The following TM9SF3 variants were observed in gnomAD, a reference collection of about 807,000 sequenced individuals.
TM9SF3 encodes the protein SM-11044-binding protein.
Under a neutral mutation model 78.6 loss-of-function variants are expected in TM9SF3, and 14 were observed. The ratio of observed to expected loss-of-function variants is 0.18; its 90% confidence interval spans 0.12 to 0.28. The LOEUF (loss-of-function observed/expected upper bound fraction) is 0.28, where lower values mean the gene tolerates loss of function less well. Ranked by LOEUF, TM9SF3 falls within the 10% of genes least tolerant of loss-of-function variation. The pLI, the probability that TM9SF3 is intolerant of heterozygous loss-of-function variation, is 1.00. For missense variants in TM9SF3, 496 were observed against 721.9 expected (o/e 0.69, Z 3.59); for synonymous variants, 231 against 241.7 (o/e 0.96, Z 0.41).
intron 14 of TM9SF3, among the ~76,000 whole-genome samples, chr10:96,524,311 TTACAA>T (rs1446961666): frequency 1.2e-4 from 19 of 152,002 alleles, no homozygotes; most frequent in African/African-American, 2.9e-4. Context: ...TTTAGAATAG[TTACAA>T]TACAATTCTT....
chr10:96,546,097 A>T (rs1848095814), intron 8 of TM9SF3, among the ~76,000 whole-genome samples: 1 of 152,144 alleles, frequency 6.6e-6, no homozygotes, highest in African/African-American at 2.4e-5. Flanking sequence ...TTCAAACTAG[A>T]TCTACAGCAT....
chr10:96,550,169 CAGA>C (rs1848150416), intron 7 of TM9SF3, among the ~76,000 whole-genome samples: 1 of 152,168 alleles, frequency 6.6e-6, no homozygotes, highest in African/African-American at 2.4e-5. Flanking sequence ...ACCAATGCTA[CAGA>C]GAAATAGCTT....
intron 3 of TM9SF3, among the ~76,000 whole-genome samples, chr10:96,563,307 C>G (rs1179450935): frequency 1.3e-5 from 2 of 152,072 alleles, no homozygotes; most frequent in Non-Finnish European, 2.9e-5. Context: ...AACTCCTGGC[C>G]TTAGCTTCTC....
chr10:96,540,349 T>C (rs1848007862), intron 9 of TM9SF3, among the ~76,000 whole-genome samples: 1 of 152,166 alleles, frequency 6.6e-6, no homozygotes, highest in Non-Finnish European at 1.5e-5. Flanking sequence ...GAAAAGTAAA[T>C]TTGCCCATCC....
chr10:96,526,514 A>T (rs1396357803), intron 14 of TM9SF3, among the ~76,000 whole-genome samples: 1 of 152,070 alleles, frequency 6.6e-6, no homozygotes, highest in Admixed American at 6.6e-5. Flanking sequence ...TTTTCTAGCT[A>T]TTTCACACAT....
At position 96,561,737 on chromosome 10, in the gene TM9SF3, G is replaced by C. The variant is rs183226140; in HGVS notation, c.582+241C>G. On this transcript the variant is annotated intron_variant, in intron 4 of 14. Transcript: ENST00000371142. The stretch of plus-strand genomic sequence containing the variant: ...TTACCCAGCTACAACAGTAAACTTG[G>C]CTGTACCAAATGGTTTAGCTCCTGC... Among the ~76,000 whole-genome samples, 4 of 152,222 alleles carry C rather than the reference G, an allele frequency of 2.6e-5. No homozygotes were observed. In the East Asian group the frequency reaches 7.7e-4, roughly 29 times the overall value.
Position 96,544,084 on chromosome 10 carries a change from C to T in TM9SF3, c.1177G>A (p.Gly393Arg). 1 of 1,607,404 alleles carries T rather than the reference C, an allele frequency of 6.2e-7. No homozygotes were observed. The highest frequency in any genetic ancestry group is 8.5e-7 in the Non-Finnish European group (1 of 1,177,884). ...AGATTCAAGCAACTCACCATTGTTCCAAAAGGAATGGCTCTTGAAGCATGG... is the reference window on the plus strand; with the variant it reads ...AGATTCAAGCAACTCACCATTGTTCTAAAAGGAATGGCTCTTGAAGCATGG... ...YYHASRAIPF[G>R]TMVAVCCICF... Residue 393 changes from glycine (G) to arginine (R), a missense_variant, in exon 9 of 15, where the codon GGA becomes AGA. Gly to Arg is a moderately radical substitution (Grantham distance 125). This residue lies in a region of TM9SF3 where 280 missense variants were observed against 422.6 expected (regional missense o/e 0.66). Transcript: ENST00000371142.
At chr10:96,566,866 C>A (rs912258402) in intron 2 of TM9SF3, among the ~76,000 whole-genome samples, 2 of 152,182 alleles carry the variant, frequency 1.3e-5, no homozygotes, top group African/African-American at 4.8e-5. Flanking sequence ...CAGGCAACTG[C>A]AGCTACGGAA....
chr10:96,530,617 T>C lies in TM9SF3; in HGVS notation c.1326-9A>G, dbSNP rs1389825225. 1.2e-6 allele frequency: 2 copies of C among 1,603,736 alleles called. No homozygotes were observed. The highest frequency in any genetic ancestry group is 1.1e-5 in the South Asian group (1 of 88,964). Reference sequence around the variant, plus strand: ...CCGCAGGCTCCATGAACCTGGAAAATATTAAAATTAATAGTAAACTTCTAG... The same window carrying C: ...CCGCAGGCTCCATGAACCTGGAAAACATTAAAATTAATAGTAAACTTCTAG... On this transcript the variant is annotated splice_polypyrimidine_tract_variant and intron_variant, in intron 10 of 14. Coordinates refer to ENST00000371142, the MANE Select transcript of TM9SF3 (RefSeq NM_020123.4).
chr10:96,569,194 G>A (rs980584020), intron 2 of TM9SF3, among the ~76,000 whole-genome samples: 3 of 152,138 alleles, frequency 2.0e-5, no homozygotes, highest in Non-Finnish European at 2.9e-5. Context: ...AGGATTGAAA[G>A]TGCCAATATA....
intron 3 of TM9SF3, among the ~76,000 whole-genome samples, chr10:96,562,555 CT>C (rs1220891600): frequency 1.3e-5 from 2 of 152,096 alleles, no homozygotes; most frequent in African/African-American, 4.8e-5. Context: ...TTCCAGATCC[CT>C]AGTCTAGTAC....
At chr10:96,580,334 C>T (rs931848680) in intron 1 of TM9SF3, among the ~76,000 whole-genome samples, 9 of 152,076 alleles carry the variant, frequency 5.9e-5, no homozygotes, top group African/African-American at 1.7e-4. Flanking sequence ...GGTGCAATCT[C>T]GGCTCACTGA....
At chr10:96,551,642 A>C (rs1168721627) in intron 6 of TM9SF3, among the ~76,000 whole-genome samples, 1 of 152,236 alleles carries the variant, frequency 6.6e-6, no homozygotes, top group African/African-American at 2.4e-5. Flanking sequence ...AGAATCTCAA[A>C]TAACGGAAAA....
intron 9 of TM9SF3, among the ~76,000 whole-genome samples, chr10:96,533,930 G>A (rs1337485126): frequency 5.3e-5 from 8 of 151,866 alleles, no homozygotes; most frequent in East Asian, 1.9e-4. Flanking sequence ...GCTCTTTTCC[G>A]GCCAACCATC....
At chr10:96,540,346 A>G (rs1220906780) in intron 9 of TM9SF3, among the ~76,000 whole-genome samples, 1 of 152,224 alleles carries the variant, frequency 6.6e-6, no homozygotes, top group Non-Finnish European at 1.5e-5. Context: ...CTGGAAAAGT[A>G]AATTTGCCCA....
At position 96,521,269 on chromosome 10, in the gene TM9SF3, G is replaced by A. The variant is rs1847765712; in HGVS notation, c.*994C>T. 5.5e-6 allele frequency: 1 copy of A among 183,102 alleles called. No individual in the cohort carries two copies. The allele number at this position is 183,102 out of a possible 1,614,324, so 11.3% of individuals were successfully genotyped here. A position where few individuals can be genotyped will look rare whatever the true frequency, so the allele number is the denominator to read the frequency against. ...CATCATAAGAAAAAAGTACTCTGTA[G>A]TCGATCTGTACATCCAAATGCATTT... On this transcript the variant is annotated 3_prime_UTR_variant, in exon 15 of 15. Transcript: ENST00000371142.
At chr10:96,574,227 G>GA (rs755242990) in intron 2 of TM9SF3, among the ~76,000 whole-genome samples, 32 of 152,118 alleles carry the variant, frequency 2.1e-4, no homozygotes, top group South Asian at 2.1e-4. Context: ...AAATTTACAA[G>GA]AAAAAACCAA....
At chr10:96,543,470 G>A (rs1233020609) in intron 9 of TM9SF3, 1 of 151,144 alleles carries the variant, frequency 6.6e-6, no homozygotes, top group Non-Finnish European at 1.5e-5. Flanking sequence ...GAATAGCTGG[G>A]ACCACAGGCG....
intron 5 of TM9SF3, among the ~76,000 whole-genome samples, chr10:96,554,909 C>T (rs1008268738): frequency 7.9e-5 from 12 of 152,106 alleles, no homozygotes; most frequent in African/African-American, 2.2e-4. Context: ...CTCCTTAATT[C>T]TTCATAGGTA....
Sources: allele counts gnomAD v4.1 joint callset (sites outside exome capture counted in the v4.1 genomes callset), GRCh38; gene constraint gnomAD v4.1.1; regional missense constraint gnomAD v4.1.1; transcripts MANE v1.5; gene names NCBI Gene and HGNC (gene_info 2026-07-23, HGNC 2026-07-21).